Variants in C17orf78 observed in about 807,000 individuals in gnomAD.
C17orf78 encodes uncharacterized protein C17orf78.
Under a neutral mutation model 31.8 loss-of-function variants are expected in C17orf78, and 27 were observed. The ratio of observed to expected loss-of-function variants is 0.85; its 90% CI spans 0.63 to 1.17. C17orf78 has a LOEUF of 1.17. Ranked by LOEUF, C17orf78 falls within the 50% of genes most tolerant of loss-of-function variation. C17orf78 has a pLI of 0.00. For missense variants in C17orf78, 258 were observed against 315.2 expected, an observed-to-expected ratio of 0.82 and a Z score of 1.37; for synonymous variants, 106 against 115.1, an observed-to-expected ratio of 0.92 and a Z score of 0.51.
At chr17:37,390,062 C>A (rs1183154993) in intron 6 of C17orf78, among the ~76,000 whole-genome samples, 1 of 135,348 alleles carries the variant, frequency 7.4e-6, no homozygotes, top group African/African-American at 2.8e-5. Flanking sequence ...GAGGCAGAGG[C>A]AGGAGACTTG....
intron 2 of C17orf78, 44 bp downstream of exon 2, chr17:37,378,009 A>G: frequency 6.4e-7 from 1 of 1,561,376 alleles, no homozygotes; most frequent in South Asian, 1.1e-5. Context: ...GCCATTCCAA[A>G]AAATTTTTAC....
intron 3 of C17orf78, among the ~76,000 whole-genome samples, chr17:37,383,956 C>T (rs1213237348): frequency 6.6e-6 from 1 of 152,152 alleles, no homozygotes; most frequent in Non-Finnish European, 1.5e-5. Flanking sequence ...AAGTGATAAA[C>T]CTCAAACAGG....
rs780467886 is a variant in C17orf78, at chr17:37,376,085, A to C, written c.-8A>C. On this transcript the variant is annotated 5_prime_UTR_variant, in exon 1 of 7. Coordinates refer to ENST00000615133, the MANE Select transcript of C17orf78 (RefSeq NM_173625.5). Reference sequence around the variant, plus strand: ...GTCTGTCTGCAATGAGCATGTGCTCAAGCTAACATGGATACCATCTTGGTC... The same window carrying C: ...GTCTGTCTGCAATGAGCATGTGCTCCAGCTAACATGGATACCATCTTGGTC... The C allele has an allele frequency of 1.2e-6, 2 of 1,610,828 alleles. No individual in the cohort carries two copies. Among genetic ancestry groups the C allele is most frequent in the Non-Finnish European group, 1.7e-6 (2 of 1,177,050 alleles).
At chr17:37,384,424 C>T (rs2050437936) in intron 3 of C17orf78, among the ~76,000 whole-genome samples, 1 of 152,144 alleles carries the variant, frequency 6.6e-6, no homozygotes, top group Non-Finnish European at 1.5e-5. Flanking sequence ...TCTTTTTCCC[C>T]CTCTTTCAAT....
At chr17:37,390,236 AATATAT>A (rs2050758495) in intron 6 of C17orf78, among the ~76,000 whole-genome samples, 1 of 50,030 alleles carries the variant, frequency 2.0e-5, no homozygotes, top group Admixed American at 3.7e-4. Flanking sequence ...AATTATATAT[AATATAT>A]TATATATATA....
At chr17:37,381,454 A>G (rs1303292339) in intron 3 of C17orf78, among the ~76,000 whole-genome samples, 5 of 151,604 alleles carry the variant, frequency 3.3e-5, no homozygotes, top group African/African-American at 1.2e-4. Flanking sequence ...CCAAAGTGCT[A>G]GGATTACAAG....
chr17:37,388,264 T>A (rs1210407082), intron 4 of C17orf78, among the ~76,000 whole-genome samples: 1 of 152,158 alleles, frequency 6.6e-6, no homozygotes, highest in Non-Finnish European at 1.5e-5. Context: ...AGGAGAAACA[T>A]AGGAAAGGCG....
At chr17:37,383,793 A>C (rs1300228620) in intron 3 of C17orf78, among the ~76,000 whole-genome samples, 1 of 152,092 alleles carries the variant, frequency 6.6e-6, no homozygotes, top group Non-Finnish European at 1.5e-5. Context: ...AGATCACTTG[A>C]GCCCAACTCA....
chr17:37,389,914 G>A (rs1469775707), intron 6 of C17orf78, among the ~76,000 whole-genome samples: 4 of 150,244 alleles, frequency 2.7e-5, no homozygotes, highest in Non-Finnish European at 3.0e-5. Flanking sequence ...ACAATAGGGT[G>A]CTTATTGAAT....
At chr17:37,377,421 A>C (rs1466295382) in intron 1 of C17orf78, among the ~76,000 whole-genome samples, 2 of 152,008 alleles carry the variant, frequency 1.3e-5, no homozygotes, top group African/African-American at 4.8e-5. Flanking sequence ...CACTTTTGGG[A>C]GGCCAAGGCA....
chr17:37,389,203 T>C, intron 5 of C17orf78, 43 bp from the exon 6 acceptor site: 2 of 1,545,344 alleles, frequency 1.3e-6, no homozygotes, highest in Non-Finnish European at 1.7e-6. Context: ...ACCAAATGCT[T>C]ACCAGCCACT....
At position 37,379,345 on chromosome 17, in the gene C17orf78, A is replaced by G. The variant is rs528752925; in HGVS notation, c.354A>G (p.Thr118=). Residue 118 remains threonine (T), a synonymous_variant, in exon 3 of 7, where the codon ACA becomes ACG. Transcript: ENST00000615133. ...CCTCAAGCTGTCACCTAATCCCCAC[A>G]TCCAAGTTTCAGACTGGATCTCTTC... ...SASSSCHLIP[T]SKFQTGSLLK... 73 of 1,613,948 alleles carry G rather than the reference A, an allele frequency of 4.5e-5. No homozygotes were observed. The East Asian group carries it at 1.4e-3, about 32-fold the overall frequency.
At position 37,390,175 on chromosome 17, in the gene C17orf78, T is replaced by TATACACACAC. The variant is rs60788220; in HGVS notation, c.750+814_750+815insTACACACACA. Among the ~76,000 whole-genome samples, 47 of 44,504 alleles carry TATACACACAC rather than the reference T, an allele frequency of 1.1e-3. 1 individual carries two copies. The highest frequency in any genetic ancestry group is 1.9e-3 in the South Asian group (3 of 1,612). The allele number at this position is 44,504 out of a possible 152,430, so 29.2% of individuals were successfully genotyped here. On this transcript the variant is annotated intron_variant, in intron 6 of 6. Transcript: ENST00000615133. Reference sequence around the variant, plus strand: ...ATATATATATATATATATATATATATACACACACACATTATATATAAATAT... The same window carrying TATACACACAC: ...ATATATATATATATATATATATATATATACACACACACACACACACATTATATATAAATAT...
chr17:37,382,838 G>A (rs575817751), intron 3 of C17orf78, among the ~76,000 whole-genome samples: 14 of 151,950 alleles, frequency 9.2e-5, no homozygotes, highest in South Asian at 2.1e-4. Context: ...CCAGCCTGGC[G>A]ACAGAGCGAG....
chr17:37,388,530 T>C (rs1342124792), intron 4 of C17orf78, 140 bp from the exon 5 acceptor site: 10 of 977,648 alleles, frequency 1.0e-5, no homozygotes, highest in East Asian at 2.6e-5. Context: ...TGAGTTTGAA[T>C]TGGAAATTCT....
intron 6 of C17orf78, among the ~76,000 whole-genome samples, chr17:37,389,739 T>G (rs1243950100): frequency 1.3e-5 from 2 of 151,438 alleles, no homozygotes; most frequent in East Asian, 3.9e-4. Flanking sequence ...AATATATAAG[T>G]GCTAGGAGAT....
chr17:37,382,033 T>C (rs2050315414), intron 3 of C17orf78, among the ~76,000 whole-genome samples: 1 of 152,212 alleles, frequency 6.6e-6, no homozygotes, highest in Admixed American at 6.5e-5. Flanking sequence ...TATATTCTTC[T>C]TTTTTCTCTT....
intron 1 of C17orf78, among the ~76,000 whole-genome samples, chr17:37,377,657 C>CTAAA (rs2050060658): frequency 8.3e-6 from 1 of 120,508 alleles, no homozygotes; most frequent in African/African-American, 3.3e-5. Context: ...GAGACTCCGT[C>CTAAA]TCAATAAATA....
At chr17:37,377,792 C>A in intron 1 of C17orf78, 87 bp from the exon 2 acceptor site, 6 of 1,087,198 alleles carry the variant, frequency 5.5e-6, no homozygotes, top group Non-Finnish European at 8.3e-6. Context: ...TCTCCATTGC[C>A]CAGAATTCTA....
Sources: gnomAD v4.1 joint callset for allele counts (sites outside exome capture counted in the v4.1 genomes callset) on GRCh38, gnomAD v4.1.1 for gene constraint, MANE v1.5 for transcripts, NCBI Gene and HGNC (gene_info 2026-07-23, HGNC 2026-07-21) for gene names.